R3HDM1: variants seen among roughly 807,000 people sequenced by gnomAD.
R3HDM1 encodes R3H domain-containing protein 1.
In R3HDM1, 46 loss-of-function variants were observed where a neutral mutation model predicts 141.1. That is an observed-to-expected ratio of 0.33 (90% confidence interval 0.26 to 0.42). The LOEUF is 0.42. Among genes scored for constraint, R3HDM1 ranks in the 10% least tolerant of loss-of-function variants. The pLI, the probability that R3HDM1 is intolerant of heterozygous loss-of-function variation, is 1.00. For synonymous variants in R3HDM1, 435 were observed against 472.9 expected (o/e 0.92, Z 1.04); for missense variants, 1,184 against 1,368.3 (o/e 0.87, Z 2.12).
chr2:135,714,383 A>G (rs2075961305), intron 23 of R3HDM1, among the ~76,000 whole-genome samples: 1 of 152,174 alleles, frequency 6.6e-6, no homozygotes, highest in African/African-American at 2.4e-5. Context: ...TTCCAAAACA[A>G]ATCTTCAGAA....
At chr2:135,686,587 G>C (rs1309335851) in intron 21 of R3HDM1, among the ~76,000 whole-genome samples, 1 of 152,112 alleles carries the variant, frequency 6.6e-6, no homozygotes, top group Non-Finnish European at 1.5e-5. Flanking sequence ...AATTTAAAAA[G>C]TAGCTGGGTA....
intron 4 of R3HDM1, 38 bp from the exon 5 acceptor site, chr2:135,616,630 T>C: frequency 6.7e-7 from 1 of 1,497,074 alleles, no homozygotes; most frequent in Non-Finnish European, 9.2e-7. Context: ...GCCCTAGATT[T>C]CTGAAATGTA....
At chr2:135,713,193 C>A (rs2075845893) in intron 23 of R3HDM1, among the ~76,000 whole-genome samples, 1 of 151,992 alleles carries the variant, frequency 6.6e-6, no homozygotes. Context: ...CAGAGTGAGA[C>A]CCTGTCTCAA....
chr2:135,618,283 G>A (rs2105165596), intron 5 of R3HDM1, among the ~76,000 whole-genome samples: 1 of 150,760 alleles, frequency 6.6e-6, no homozygotes, highest in Admixed American at 6.6e-5. Context: ...GCCTCAGCCT[G>A]CCGAGTAGCT....
In R3HDM1 at chr2:135,651,851, C is replaced by G. The variant is rs201789029; in HGVS notation, c.1847C>G (p.Ser616Cys). The change falls in exon 18 of 27, where the codon TCT becomes TGT. Residue 616 changes from serine to cysteine, a missense_variant. This residue lies in a region of R3HDM1 where 563 missense variants were observed against 562.0 expected (regional missense o/e 1.00). Coordinates refer to ENST00000683871, the MANE Select transcript of R3HDM1 (RefSeq NM_001378107.1). The part of the protein sequence containing the change: ...STVVLQSPQQ[S>C]GYIMTAAPPP... ...GTGGTTCTTCAGTCTCCACAGCAGTCTGGTTATATCATGACAGCAGCCCCT... is the reference window on the plus strand; with the variant it reads ...GTGGTTCTTCAGTCTCCACAGCAGTGTGGTTATATCATGACAGCAGCCCCT... 485 of 1,613,996 alleles carry G rather than the reference C, an allele frequency of 3.0e-4. No homozygotes were observed. The highest frequency in any genetic ancestry group is 3.8e-4 in the Non-Finnish European group (452 of 1,180,024).
At position 135,715,998 on chromosome 2, in the gene R3HDM1, G is replaced by A. The variant is rs576789092; in HGVS notation, c.2881+304G>A. The stretch of plus-strand genomic sequence containing the variant: ...AATACACAGTTTTCTACATTTTTTC[G>A]GTATTTTAATTTCTACTTAGAGTAA... On this transcript the variant is annotated intron_variant, in intron 24 of 26. Transcript: ENST00000683871. Among the ~76,000 whole-genome samples the A allele has an allele frequency of 3.9e-5, 6 of 151,946 alleles. No homozygotes were observed. The South Asian group carries it at 8.3e-4, about 21-fold the overall frequency.
intron 1 of R3HDM1, among the ~76,000 whole-genome samples, chr2:135,568,457 C>A (rs1703299787): frequency 6.6e-6 from 1 of 152,092 alleles, no homozygotes; most frequent in Admixed American, 6.5e-5. Context: ...TCGAGTGATT[C>A]TCCTGCCTCA....
At chr2:135,538,463 A>G (rs551949352) in intron 1 of R3HDM1, among the ~76,000 whole-genome samples, 5 of 152,212 alleles carry the variant, frequency 3.3e-5, no homozygotes, top group Non-Finnish European at 5.9e-5. Flanking sequence ...ACTTGTTTGC[A>G]GTAACTTTTT....
intron 15 of R3HDM1, among the ~76,000 whole-genome samples, chr2:135,644,911 A>C (rs568337621): frequency 6.6e-5 from 10 of 152,178 alleles, no homozygotes; most frequent in African/African-American, 2.4e-4. Flanking sequence ...GGGAAACCCC[A>C]TCTCTACGAA....
chr2:135,626,790 T>C (rs2062096142), intron 7 of R3HDM1, among the ~76,000 whole-genome samples: 1 of 152,202 alleles, frequency 6.6e-6, no homozygotes, highest in Admixed American at 6.5e-5. Context: ...CCATACATTG[T>C]AGCTATTCCT....
intron 14 of R3HDM1, 73 bp from the exon 15 acceptor site, chr2:135,641,463 A>G: frequency 6.9e-7 from 1 of 1,448,218 alleles, no homozygotes; most frequent in Non-Finnish European, 9.4e-7. Flanking sequence ...TGTAAATTTT[A>G]TTGTTGTTTT....
intron 6 of R3HDM1, 53 bp downstream of exon 6, chr2:135,621,661 C>T: frequency 6.9e-7 from 1 of 1,451,642 alleles, no homozygotes; most frequent in Non-Finnish European, 9.2e-7. Flanking sequence ...TCAGTAATTC[C>T]ATCCTTTTCC....
intron 26 of R3HDM1, among the ~76,000 whole-genome samples, chr2:135,723,656 A>G (rs1441972962): frequency 6.6e-6 from 1 of 151,182 alleles, no homozygotes; most frequent in Non-Finnish European, 1.5e-5. Flanking sequence ...GGGCGCTTGT[A>G]ATCCCAGCTA....
intron 19 of R3HDM1, among the ~76,000 whole-genome samples, chr2:135,672,049 A>C (rs1457816590): frequency 6.6e-6 from 1 of 152,132 alleles, no homozygotes; most frequent in East Asian, 1.9e-4. Flanking sequence ...GTAGAGTTTT[A>C]TGAGATGTGG....
intron 19 of R3HDM1, among the ~76,000 whole-genome samples, chr2:135,663,619 G>C (rs1464861408): frequency 6.6e-6 from 1 of 152,222 alleles, no homozygotes; most frequent in Non-Finnish European, 1.5e-5. Context: ...GCCAACTGTT[G>C]TGTTGGTAAT....
At chr2:135,655,680 G>A (rs1296834100) in intron 18 of R3HDM1, among the ~76,000 whole-genome samples, 1 of 151,856 alleles carries the variant, frequency 6.6e-6, no homozygotes, top group Non-Finnish European at 1.5e-5. Flanking sequence ...CTAATTTTTT[G>A]TATTTTTAGT....
rs202144929 is a variant in R3HDM1, at chr2:135,699,045, A to AGATTGATT, written c.2460-10388_2460-10387insGATTGATT. ...TAGATAGATAGATAGATAGATAGAT[A>AGATTGATT]AGATAGATAAGATAGATTGATTAGA... On this transcript the variant is annotated intron_variant, in intron 21 of 26. Transcript: ENST00000683871. 1.0e-3 allele frequency among the ~76,000 whole-genome samples: 134 copies of AGATTGATT among 129,870 alleles called. 4 individuals carry two copies. In the East Asian group the frequency reaches 0.012, roughly 12 times the overall value. 85.2% of individuals were successfully genotyped at this position (129,870 alleles called of 152,430 possible). A position where few individuals can be genotyped will look rare whatever the true frequency, so the allele number is the denominator to read the frequency against.
At chr2:135,707,846 T>C (rs1459469816) in intron 21 of R3HDM1, among the ~76,000 whole-genome samples, 1 of 152,238 alleles carries the variant, frequency 6.6e-6, no homozygotes, top group East Asian at 1.9e-4. Context: ...TTTTCACTTA[T>C]GATCCAAAAT....
intron 1 of R3HDM1, among the ~76,000 whole-genome samples, chr2:135,573,151 C>T (rs1168588217): frequency 3.9e-5 from 6 of 152,058 alleles, no homozygotes; most frequent in Non-Finnish European, 8.8e-5. Context: ...TATGACATGT[C>T]GTTTGTATGT....
Sources: gnomAD v4.1 joint callset for allele counts (sites outside exome capture counted in the v4.1 genomes callset) on GRCh38, gnomAD v4.1.1 for gene constraint, gnomAD v4.1.1 regional missense constraint, MANE v1.5 for transcripts, NCBI Gene and HGNC (gene_info 2026-07-23, HGNC 2026-07-21) for gene names.